The following PLCXD3 variants were observed in gnomAD, a reference collection of about 807,000 sequenced individuals.
PLCXD3 encodes phosphatidylinositol specific phospholipase C X domain containing 3, also known as PI-PLC X domain-containing protein 3.
A neutral mutation model predicts 25.5 loss-of-function variants in PLCXD3; 19 were observed. The observed-to-expected ratio is 0.75, with a 90% CI of 0.52 to 1.09. The LOEUF (loss-of-function observed/expected upper bound fraction) is 1.09. PLCXD3 is among the 50% of genes least tolerant of loss of function. The pLI is 0.00. For missense variants in PLCXD3, 411 were observed against 388.1 expected (o/e 1.06, Z -0.50); for synonymous variants, 174 against 137.6 (o/e 1.26, Z -1.85).
At chr5:41,504,905 C>G (rs1749023229) in intron 1 of PLCXD3, among the ~76,000 whole-genome samples, 1 of 152,174 alleles carries the variant, frequency 6.6e-6, no homozygotes. Context: ...GAAGAACTGA[C>G]AGTTGCTATG....
At chr5:41,327,434 G>C (rs1351908208) in intron 2 of PLCXD3, among the ~76,000 whole-genome samples, 1 of 152,040 alleles carries the variant, frequency 6.6e-6, no homozygotes, top group African/African-American at 2.4e-5. Flanking sequence ...CCATCCAAAG[G>C]CTCCTGAGAC....
At chr5:41,418,503 T>TA (rs1409382748) in intron 1 of PLCXD3, among the ~76,000 whole-genome samples, 7 of 24,404 alleles carry the variant, frequency 2.9e-4, no homozygotes, top group African/African-American at 1.5e-3. Context: ...AACTGAAGAC[T>TA]AAAAAACACA....
intron 2 of PLCXD3, among the ~76,000 whole-genome samples, chr5:41,368,332 T>C (rs1446020882): frequency 6.6e-6 from 1 of 152,212 alleles, no homozygotes; most frequent in Non-Finnish European, 1.5e-5. Flanking sequence ...CACTATGAGC[T>C]ACTTGCCTGT....
chr5:41,347,849 C>A (rs1157748032), intron 2 of PLCXD3, among the ~76,000 whole-genome samples: 1 of 149,794 alleles, frequency 6.7e-6, no homozygotes, highest in East Asian at 1.9e-4. Context: ...AACCAGGTAA[C>A]TGGGCAATAA....
At chr5:41,346,488 C>T (rs563482147) in intron 2 of PLCXD3, among the ~76,000 whole-genome samples, 1 of 152,250 alleles carries the variant, frequency 6.6e-6, no homozygotes, top group East Asian at 1.9e-4. Context: ...TACCTGTTCA[C>T]CCACCCTCCC....
chr5:41,413,025 G>A (rs1291452904), intron 1 of PLCXD3, among the ~76,000 whole-genome samples: 1 of 152,152 alleles, frequency 6.6e-6, no homozygotes, highest in Non-Finnish European at 1.5e-5. Context: ...ATTTTCTAAT[G>A]ATCCTAAGTT....
intron 2 of PLCXD3, among the ~76,000 whole-genome samples, chr5:41,349,462 C>T (rs2150480456): frequency 6.6e-6 from 1 of 152,222 alleles, no homozygotes; most frequent in South Asian, 2.1e-4. Context: ...TAAACTTTTC[C>T]TTGTATTAAA....
chr5:41,447,953 C>G (rs2150513325), intron 1 of PLCXD3, among the ~76,000 whole-genome samples: 1 of 152,202 alleles, frequency 6.6e-6, no homozygotes, highest in South Asian at 2.1e-4. Context: ...GGCTGACATG[C>G]AATATAACAG....
At chr5:41,343,265 T>G (rs551314581) in intron 2 of PLCXD3, among the ~76,000 whole-genome samples, 3 of 152,094 alleles carry the variant, frequency 2.0e-5, no homozygotes, top group Non-Finnish European at 4.4e-5. Context: ...ATGAAAGATA[T>G]TAAAATTATG....
chr5:41,382,615 A>G, intron 1 of PLCXD3, 81 bp from the exon 2 acceptor site: 1 of 1,084,642 alleles, frequency 9.2e-7, no homozygotes, highest in Non-Finnish European at 1.3e-6. Context: ...CAATATCCAT[A>G]CCTCTCCCTC....
chr5:41,355,755 A>G (rs1433453850), intron 2 of PLCXD3, among the ~76,000 whole-genome samples: 1 of 152,214 alleles, frequency 6.6e-6, no homozygotes, highest in African/African-American at 2.4e-5. Context: ...TGCATGTAAC[A>G]TACTTGTGAT....
In PLCXD3 at chr5:41,498,958, T is replaced by A. The variant is rs565958315; in HGVS notation, c.103+11466A>T. On this transcript the variant is annotated intron_variant, in intron 1 of 2. Coordinates refer to ENST00000377801, the MANE Select transcript of PLCXD3 (RefSeq NM_001005473.3). ...AGCATTTGATAAAATTCAACATCTT[T>A]TCATGATAAAAAACGCTCAACAAAT... Among the ~76,000 whole-genome samples the A allele has an allele frequency of 1.1e-3, 169 of 151,796 alleles. 1 individual carries two copies. Among genetic ancestry groups the A allele is most frequent in the Middle Eastern group, 6.8e-3 (2 of 294 alleles).
chr5:41,403,401 G>GTTTTGTTTTTGTTT (rs1746251131), intron 1 of PLCXD3, among the ~76,000 whole-genome samples: 13 of 18,390 alleles, frequency 7.1e-4, no homozygotes, highest in Non-Finnish European at 1.3e-3. Context: ...CTTATTTGTT[G>GTTTTGTTTTTGTTT]TTTTTTTTTT....
chr5:41,473,316 T>C lies in PLCXD3; in HGVS notation c.103+37108A>G, dbSNP rs112812747. ...ATTTCTATAGCACAAAACAAAGTAA[T>C]GACTTTCTCCCTCATACAAAGTGAT... is the stretch of plus-strand genomic sequence containing the variant. On this transcript the variant is annotated intron_variant, in intron 1 of 2. Transcript: ENST00000377801. 4.6e-3 allele frequency among the ~76,000 whole-genome samples: 704 copies of C among 152,256 alleles called. 2 individuals are homozygous for C. The highest frequency in any genetic ancestry group is 0.016 in the African/African-American group (650 of 41,542).
intron 1 of PLCXD3, among the ~76,000 whole-genome samples, chr5:41,431,893 C>A (rs1257370050): frequency 6.6e-6 from 1 of 152,106 alleles, no homozygotes; most frequent in Non-Finnish European, 1.5e-5. Flanking sequence ...CATTCTCCTG[C>A]AACTTGTCCA....
At chr5:41,436,620 A>G (rs116226496) in intron 1 of PLCXD3, among the ~76,000 whole-genome samples, 2,870 of 152,194 alleles carry the variant, frequency 0.019, 34 homozygotes, top group Middle Eastern at 0.048. Flanking sequence ...ACTTCCCACC[A>G]TGGTAAGTGG....
chr5:41,331,599 G>C (rs1743806926), intron 2 of PLCXD3, among the ~76,000 whole-genome samples: 1 of 152,080 alleles, frequency 6.6e-6, no homozygotes, highest in South Asian at 2.1e-4. Flanking sequence ...CTACTTTAAA[G>C]TTCATATGGA....
chr5:41,476,140 G>A (rs1748278031), intron 1 of PLCXD3, among the ~76,000 whole-genome samples: 1 of 152,172 alleles, frequency 6.6e-6, no homozygotes, highest in Non-Finnish European at 1.5e-5. Context: ...GAAATCATAA[G>A]TTGAACCATC....
chr5:41,361,302 A>G (rs1447656988), intron 2 of PLCXD3, among the ~76,000 whole-genome samples: 1 of 152,200 alleles, frequency 6.6e-6, no homozygotes, highest in Non-Finnish European at 1.5e-5. Flanking sequence ...GCCAATGCCC[A>G]GGGCTGAGAA....
Sources: gnomAD v4.1 joint callset for allele counts (sites outside exome capture counted in the v4.1 genomes callset) on GRCh38, gnomAD v4.1.1 for gene constraint, MANE v1.5 for transcripts, NCBI Gene and HGNC (gene_info 2026-07-23, HGNC 2026-07-21) for gene names.